TMC6: variants seen among roughly 807,000 people sequenced by gnomAD.
TMC6 encodes transmembrane channel like 6.
Under a neutral mutation model 95.4 loss-of-function variants are expected in TMC6, and 71 were observed. That is an observed-to-expected ratio of 0.74 (90% CI 0.61 to 0.91). TMC6 has a LOEUF of 0.91. Ranked by LOEUF, TMC6 falls within the 40% of genes least tolerant of loss-of-function variation. The pLI is 0.00. For synonymous variants in TMC6, 514 were observed against 483.1 expected (o/e 1.06, Z -0.84); for missense variants, 1,074 against 1,079.1 (o/e 1.00, Z 0.07).
At chr17:78,131,061 T>G, upstream of TMC6, 2 of 178,560 alleles carry the variant, frequency 1.1e-5, no homozygotes, top group South Asian at 9.7e-5. Context: ...ACATCCAGAG[T>G]CAGATGTGGC....
At chr17:78,123,475 GTGGATGGA>G (rs1376978010) in intron 9 of TMC6, among the ~76,000 whole-genome samples, 1 of 148,954 alleles carries the variant, frequency 6.7e-6, no homozygotes, top group Non-Finnish European at 1.5e-5. Context: ...GAATGAGTGG[GTGGATGGA>G]TGAATGGGTG....
chr17:78,125,918 A>C, intron 4 of TMC6, 34 bp from the exon 5 acceptor site: 1 of 1,549,644 alleles, frequency 6.5e-7, no homozygotes, highest in East Asian at 2.4e-5. Context: ...CGGGCCGGGC[A>C]GGGCCAGGCC....
chr17:78,122,430 A>C lies in TMC6; in HGVS notation c.1227+175T>G, dbSNP rs1421176413. The C allele has an allele frequency of 1.1e-6, 1 of 934,702 alleles. No individual in the cohort carries two copies. The highest frequency in any genetic ancestry group is 1.6e-6 in the Non-Finnish European group (1 of 637,406). The allele number at this position is 934,702 out of a possible 1,614,324, so 57.9% of individuals were successfully genotyped here. The stretch of plus-strand genomic sequence containing the variant: ...ATGGGTGTGTGCCAGAGAAAAACTC[A>C]GGGCCTGCCCGTCACTGCAAGCAGA... On this transcript the variant is annotated intron_variant, in intron 10 of 19. Coordinates refer to ENST00000590602, the MANE Select transcript of TMC6 (RefSeq NM_001127198.5). This position sits in a 1 kb window ranked among gnomAD's most constrained non-coding sequence, Gnocchi z 4.9.
At chr17:78,127,305 T>A (rs897737275) in intron 1 of TMC6, among the ~76,000 whole-genome samples, 9 of 152,166 alleles carry the variant, frequency 5.9e-5, no homozygotes, top group African/African-American at 2.2e-4. Flanking sequence ...GTAGGCCTTC[T>A]CTGCGTCTGC....
In TMC6 at chr17:78,111,182, T is replaced by G. The variant is rs2073818263; in HGVS notation, c.*1966A>C. 1.3e-5 allele frequency: 2 copies of G among 152,270 alleles called. No homozygotes were observed. The highest frequency in any genetic ancestry group is 4.1e-4 in the South Asian group (2 of 4,832). The allele number at this position is 152,270 out of a possible 1,614,324, so 9.4% of individuals were successfully genotyped here. A position where few individuals can be genotyped will look rare whatever the true frequency, so the allele number is the denominator to read the frequency against. Reference sequence around the variant, plus strand: ...AGCAGCACACGATCACAGCAACACCTCGGCCCCTCTCGATGAGATCACTGG... The same window carrying G: ...AGCAGCACACGATCACAGCAACACCGCGGCCCCTCTCGATGAGATCACTGG... On this transcript the variant is annotated 3_prime_UTR_variant, in exon 20 of 20. Coordinates refer to ENST00000590602, the MANE Select transcript of TMC6 (RefSeq NM_001127198.5).
chr17:78,119,335 C>T lies in TMC6; in HGVS notation c.1773G>A (p.Arg591=). The T allele has an allele frequency of 6.2e-7, 1 of 1,614,098 alleles. No individual in the cohort carries two copies. The highest frequency in any genetic ancestry group is 8.5e-7 in the Non-Finnish European group (1 of 1,180,036). ...RRRKPEFDIA[R]NVLELIYGQT... is the part of the protein sequence containing the mutation. ...GCCCATAAATCAGCTCCAGGACATT[C>T]CGGGCAATGTCAAACTCCGGCTTCC... The change falls in exon 14 of 20, where the codon CGG becomes CGA. Residue 591 remains arginine (R), a synonymous_variant. Coordinates refer to ENST00000590602, the MANE Select transcript of TMC6 (RefSeq NM_001127198.5).
chr17:78,109,015 AT>A lies in TMC6; in HGVS notation c.*4132del, dbSNP rs1314939784. ...ATGCATGCGCCACCCCACCCAGCTC[AT>A]TTCATTTTTTATTTTTGTAGAGATA... is the stretch of plus-strand genomic sequence containing the variant. On this transcript the variant is annotated 3_prime_UTR_variant, in exon 20 of 20. Coordinates refer to ENST00000590602, the MANE Select transcript of TMC6 (RefSeq NM_001127198.5). 5.4e-5 allele frequency: 9 copies of A among 167,154 alleles called. No homozygotes were observed. The highest frequency in any genetic ancestry group is 2.2e-4 in the African/African-American group (9 of 41,698). 10.4% of individuals were successfully genotyped at this position (167,154 alleles called of 1,614,324 possible). A position where few individuals can be genotyped will look rare whatever the true frequency, so the allele number is the denominator to read the frequency against.
upstream of TMC6, chr17:78,132,309 C>T (rs1238527474): frequency 1.9e-6 from 3 of 1,604,494 alleles, no homozygotes; most frequent in African/African-American, 1.3e-5. Flanking sequence ...CTCAGCGCGG[C>T]CCCAGCCCCG....
In TMC6 at chr17:78,111,406, C is replaced by A. The variant is rs985901704; in HGVS notation, c.*1742G>T. 1 of 152,366 alleles carries A rather than the reference C, an allele frequency of 6.6e-6. No homozygotes were observed. Among genetic ancestry groups the A allele is most frequent in the Non-Finnish European group, 1.5e-5 (1 of 68,128 alleles). 9.4% of individuals were successfully genotyped at this position (152,366 alleles called of 1,614,324 possible). On this transcript the variant is annotated 3_prime_UTR_variant, in exon 20 of 20. Transcript: ENST00000590602. Reference sequence around the variant, plus strand: ...AGCAGTGGCAGGCGCACGTCCCCAGCCAGAGAGGGACCGTGATGGTTTGGA... The same window carrying A: ...AGCAGTGGCAGGCGCACGTCCCCAGACAGAGAGGGACCGTGATGGTTTGGA...
At chr17:78,127,842 TG>T (rs1241801210) in intron 1 of TMC6, among the ~76,000 whole-genome samples, 1 of 152,194 alleles carries the variant, frequency 6.6e-6, no homozygotes, top group Non-Finnish European at 1.5e-5. Context: ...CCTCCCTCAG[TG>T]TCCTGGGTGC....
At chr17:78,119,480 C>A in intron 13 of TMC6, 88 bp from the exon 14 acceptor site, 2 of 1,342,324 alleles carry the variant, frequency 1.5e-6, no homozygotes, top group Non-Finnish European at 1.1e-6. Flanking sequence ...CACCCCGCCC[C>A]CAGCCAGGGG....
chr17:78,130,229 CA>C (rs1267474546), upstream of TMC6, among the ~76,000 whole-genome samples: 1 of 152,194 alleles, frequency 6.6e-6, no homozygotes, highest in Non-Finnish European at 1.5e-5. Flanking sequence ...ACGCCAATGA[CA>C]GGGGCTGGAA....
rs1269940789 is a variant in TMC6 at position 78,125,280 on chromosome 17, G to T, written c.431-17C>A. ...TCTGCTTCTCTGCGAGAGGGAGAGG[G>T]AGGTCCTGCCCATCCCCAAGTGCCC... On this transcript the variant is annotated splice_polypyrimidine_tract_variant and intron_variant, in intron 5 of 19. Transcript: ENST00000590602. The T allele has an allele frequency of 3.2e-6, 5 of 1,553,828 alleles. No homozygotes were observed. The East Asian group carries it at 9.6e-5, about 30-fold the overall frequency.
chr17:78,111,815 A>G lies in TMC6; in HGVS notation c.*1333T>C, dbSNP rs542146796. ...TTCCCCACCTGGGTTCATTCCCCCA[A>G]TCCCAAGCGCAGCTCCTGCAGGCCT... On this transcript the variant is annotated 3_prime_UTR_variant, in exon 20 of 20. Coordinates refer to ENST00000590602, the MANE Select transcript of TMC6 (RefSeq NM_001127198.5). 2 of 201,252 alleles carry G rather than the reference A, an allele frequency of 9.9e-6. No homozygotes were observed. The highest frequency in any genetic ancestry group is 2.1e-5 in the Non-Finnish European group (2 of 96,532). 12.5% of individuals were successfully genotyped at this position (201,252 alleles called of 1,614,324 possible).
chr17:78,126,727 G>T, intron 2 of TMC6, 50 bp downstream of exon 2: 1 of 1,611,590 alleles, frequency 6.2e-7, no homozygotes, highest in Non-Finnish European at 8.5e-7. Flanking sequence ...TGACCTCTCC[G>T]TGGGGGGTGG....
At chr17:78,123,805 G>A (rs1037058088) in intron 9 of TMC6, among the ~76,000 whole-genome samples, 184 bp downstream of exon 9, 5 of 151,976 alleles carry the variant, frequency 3.3e-5, no homozygotes, top group African/African-American at 9.7e-5. Flanking sequence ...GGGTGGATGG[G>A]TGGGTAGGTA....
At chr17:78,120,986 A>G in intron 12 of TMC6, 27 bp downstream of exon 12, 1 of 1,613,230 alleles carries the variant, frequency 6.2e-7, no homozygotes, top group Non-Finnish European at 8.5e-7. Flanking sequence ...CCAGCACCAA[A>G]TGATGTTTTC....
chr17:78,124,487 A>G, intron 8 of TMC6, 37 bp downstream of exon 8: 1 of 1,602,090 alleles, frequency 6.2e-7, no homozygotes, highest in Non-Finnish European at 8.5e-7. Flanking sequence ...AGCAGAAGAC[A>G]GGCACCCCCC....
intron 4 of TMC6, 132 bp downstream of exon 4, chr17:78,126,145 C>T (rs1425567972): frequency 3.7e-6 from 5 of 1,334,784 alleles, no homozygotes; most frequent in Admixed American, 2.1e-5. Context: ...TAGGAGCCCG[C>T]CCTGGGCCTG....
Sources: allele counts gnomAD v4.1 joint callset (sites outside exome capture counted in the v4.1 genomes callset), GRCh38; gene constraint gnomAD v4.1.1; non-coding constraint Gnocchi (gnomAD v3.1); transcripts MANE v1.5; gene names NCBI Gene and HGNC (gene_info 2026-07-23, HGNC 2026-07-21).